The following GNG12 variants were observed in gnomAD, a reference collection of about 807,000 sequenced individuals.
The protein encoded by GNG12 is G protein subunit gamma 12.
For missense variants in GNG12, 69 were observed against 83.8 expected, an observed-to-expected ratio of 0.82 and a Z score of 0.69; for synonymous variants, 28 against 29.7, an observed-to-expected ratio of 0.94 and a Z score of 0.19.
intron 1 of GNG12, among the ~76,000 whole-genome samples, chr1:67,821,986 T>C (rs764759254): frequency 3.0e-4 from 45 of 151,872 alleles, no homozygotes; most frequent in Non-Finnish European, 6.5e-4. Context: ...GTCCAATCTT[T>C]TGGCTTCCCT....
At chr1:67,745,706 A>C (rs1646503749) in intron 2 of GNG12, among the ~76,000 whole-genome samples, 1 of 152,200 alleles carries the variant, frequency 6.6e-6, no homozygotes. Flanking sequence ...ACAGGTGGAT[A>C]CTTAGTAAGT....
intron 2 of GNG12, among the ~76,000 whole-genome samples, chr1:67,728,815 C>A (rs977056960): frequency 2.0e-5 from 3 of 152,118 alleles, no homozygotes; most frequent in African/African-American, 4.8e-5. Context: ...ATAGGCCCCC[C>A]CACACAGAAA....
intron 1 of GNG12, among the ~76,000 whole-genome samples, chr1:67,830,872 CCTG>C (rs1647040026): frequency 6.6e-6 from 1 of 152,118 alleles, no homozygotes; most frequent in Non-Finnish European, 1.5e-5. Flanking sequence ...TATCCAGTAG[CCTG>C]CTGCTTGAAC....
At chr1:67,753,607 G>A (rs1646551798) in intron 2 of GNG12, among the ~76,000 whole-genome samples, 1 of 152,192 alleles carries the variant, frequency 6.6e-6, no homozygotes, top group South Asian at 2.1e-4. Flanking sequence ...CTCCAAGCAT[G>A]AAAAGCATTC....
intron 2 of GNG12, among the ~76,000 whole-genome samples, chr1:67,752,963 G>A (rs902926473): frequency 6.6e-6 from 1 of 152,136 alleles, no homozygotes; most frequent in Non-Finnish European, 1.5e-5. Flanking sequence ...ACCTTTCCAG[G>A]TGACTGCTAC....
rs12739701 is a variant in GNG12, at chr1:67,805,029, T to C, written c.-76-27522A>G. On this transcript the variant is annotated intron_variant, in intron 1 of 3. Transcript: ENST00000370982. ...ACTATTTTTCCAGAGCCTAATCTGT[T>C]TGGGTTTTATCAGAGCCTAACTTAT... is the stretch of plus-strand genomic sequence containing the variant. 1.1e-3 allele frequency among the ~76,000 whole-genome samples: 164 copies of C among 152,332 alleles called. 1 individual carries two copies. Among genetic ancestry groups the C allele is most frequent in the Non-Finnish European group, 2.0e-3 (136 of 68,030 alleles).
intron 2 of GNG12, among the ~76,000 whole-genome samples, chr1:67,749,039 C>T (rs1314543304): frequency 6.6e-6 from 1 of 152,184 alleles, no homozygotes; most frequent in Non-Finnish European, 1.5e-5. Flanking sequence ...TTCCCACTCC[C>T]CTGGAGGGGA....
chr1:67,724,664 A>G (rs1192860276), intron 2 of GNG12, among the ~76,000 whole-genome samples: 3 of 152,182 alleles, frequency 2.0e-5, no homozygotes, highest in Non-Finnish European at 4.4e-5. Context: ...TGCTGGGATT[A>G]CAGGTGTCAG....
chr1:67,794,200 T>C (rs1359577136), intron 1 of GNG12, among the ~76,000 whole-genome samples: 2 of 152,192 alleles, frequency 1.3e-5, no homozygotes, highest in Admixed American at 6.5e-5. Context: ...CCTAAGGTTG[T>C]CCATCCACCA....
chr1:67,818,634 C>T (rs1485908931), intron 1 of GNG12, among the ~76,000 whole-genome samples: 8 of 151,980 alleles, frequency 5.3e-5, no homozygotes, highest in Admixed American at 5.2e-4. Context: ...GTCTGCTGAT[C>T]AAGCTTTGCC....
intron 1 of GNG12, among the ~76,000 whole-genome samples, chr1:67,803,035 G>A (rs1453530572): frequency 6.6e-6 from 1 of 152,240 alleles, no homozygotes; most frequent in African/African-American, 2.4e-5. Context: ...AAACACTGGT[G>A]GGGGTCTAAC....
intron 1 of GNG12, among the ~76,000 whole-genome samples, chr1:67,788,795 T>G (rs757307218): frequency 7.9e-5 from 12 of 152,230 alleles, no homozygotes; most frequent in Non-Finnish European, 1.5e-4. Context: ...TCGACAGATT[T>G]AAGAAGGTTT....
intron 2 of GNG12, among the ~76,000 whole-genome samples, chr1:67,731,394 A>G (rs897301854): frequency 2.0e-5 from 3 of 152,258 alleles, no homozygotes; most frequent in Non-Finnish European, 1.5e-5. Flanking sequence ...TGTAACTTTA[A>G]GCAGAAAGAA....
chr1:67,795,724 G>A (rs531176945), intron 1 of GNG12, among the ~76,000 whole-genome samples: 10 of 152,252 alleles, frequency 6.6e-5, no homozygotes, highest in African/African-American at 2.4e-4. Context: ...CCAGTATTTG[G>A]ATGAAAAGTT....
intron 2 of GNG12, among the ~76,000 whole-genome samples, chr1:67,735,813 T>C (rs562783846): frequency 2.6e-5 from 4 of 151,804 alleles, no homozygotes; most frequent in South Asian, 2.1e-4. Context: ...CATCACAGAG[T>C]ACAATATTAT....
intron 1 of GNG12, among the ~76,000 whole-genome samples, chr1:67,824,754 G>A (rs557809181): frequency 1.2e-4 from 19 of 152,260 alleles, no homozygotes; most frequent in African/African-American, 3.1e-4. Context: ...AGGAGGAGTC[G>A]AAGAAACCTG....
chr1:67,823,892 A>G (rs926343938), intron 1 of GNG12, among the ~76,000 whole-genome samples: 3 of 152,228 alleles, frequency 2.0e-5, no homozygotes, highest in Admixed American at 2.0e-4. Flanking sequence ...AAACAGCCCA[A>G]AGGTCCAGCA....
intron 2 of GNG12, among the ~76,000 whole-genome samples, chr1:67,755,048 GAAAGGTCTCTTC>G (rs1646560111): frequency 1.3e-5 from 2 of 152,250 alleles, no homozygotes; most frequent in Non-Finnish European, 2.9e-5. Context: ...TGGGAATTTT[GAAAGGTCTCTTC>G]ATTCATAGAG....
chr1:67,816,671 T>C (rs369029269), intron 1 of GNG12, among the ~76,000 whole-genome samples: 4 of 152,100 alleles, frequency 2.6e-5, no homozygotes, highest in African/African-American at 4.8e-5. Flanking sequence ...GGGAAGAGTA[T>C]AGATGGGGCT....
Sources: gnomAD v4.1 joint callset for allele counts (sites outside exome capture counted in the v4.1 genomes callset) on GRCh38, gnomAD v4.1.1 for gene constraint, MANE v1.5 for transcripts, NCBI Gene and HGNC (gene_info 2026-07-23, HGNC 2026-07-21) for gene names.